Variants in ANKFY1 observed in about 807,000 individuals in gnomAD.
The protein encoded by ANKFY1 is ankyrin repeat and FYVE domain-containing protein 1.
Under a neutral mutation model 128.3 loss-of-function variants are expected in ANKFY1, and 47 were observed. The ratio of observed to expected loss-of-function variants is 0.37; its 90% CI spans 0.29 to 0.47. ANKFY1 has a LOEUF of 0.47. ANKFY1 is among the 20% of genes least tolerant of loss of function. The pLI, the probability that ANKFY1 is intolerant of heterozygous loss-of-function variation, is 1.00. For synonymous variants in ANKFY1, 553 were observed against 601.6 expected (o/e 0.92, Z 1.18); for missense variants, 1,222 against 1,510.6 (o/e 0.81, Z 3.17).
intron 22 of ANKFY1, among the ~76,000 whole-genome samples, chr17:4,171,147 C>T (rs866902164): frequency 1.3e-5 from 2 of 152,208 alleles, no homozygotes; most frequent in African/African-American, 2.4e-5. Flanking sequence ...GAGCTGAGGT[C>T]GCGCAGGTGG....
chr17:4,257,993 T>A (rs1359460550), intron 1 of ANKFY1, among the ~76,000 whole-genome samples: 1 of 152,226 alleles, frequency 6.6e-6, no homozygotes, highest in Non-Finnish European at 1.5e-5. Context: ...CCTGTGTATC[T>A]CAGCACAATT....
intron 1 of ANKFY1, among the ~76,000 whole-genome samples, chr17:4,242,739 T>C (rs368773266): frequency 6.6e-6 from 1 of 151,796 alleles, no homozygotes; most frequent in African/African-American, 2.4e-5. Context: ...AAATATTCAT[T>C]AAAAAGAAAA....
chr17:4,174,159 G>T, intron 19 of ANKFY1, 103 bp from the exon 20 acceptor site: 1 of 1,357,976 alleles, frequency 7.4e-7, no homozygotes, highest in Non-Finnish European at 1.0e-6. Flanking sequence ...AGAGGCTGAT[G>T]GCCTGCCCTG....
At chr17:4,198,700 ACACATAACTG>A (rs2059873252) in intron 7 of ANKFY1, among the ~76,000 whole-genome samples, 1 of 152,146 alleles carries the variant, frequency 6.6e-6, no homozygotes, top group Non-Finnish European at 1.5e-5. Context: ...CTCATTATAT[ACACATAACTG>A]ACTTAATAAG....
Position 4,201,353 on chromosome 17 carries a change from T to C in ANKFY1, c.899-3776A>G, listed in dbSNP as rs1015393597. ...AGGCCGATTGTCTCTTTTTCAACACTTCCCATCTGCTCTATGCTTTCTTCC... is the reference window on the plus strand; with the variant it reads ...AGGCCGATTGTCTCTTTTTCAACACCTCCCATCTGCTCTATGCTTTCTTCC... On this transcript the variant is annotated intron_variant, in intron 7 of 24. Transcript: ENST00000341657. 2.0e-5 allele frequency among the ~76,000 whole-genome samples: 3 copies of C among 152,218 alleles called. No individual in the cohort carries two copies. The East Asian group carries it at 5.8e-4, about 29-fold the overall frequency.
chr17:4,175,109 G>A (rs1035547866), intron 19 of ANKFY1, among the ~76,000 whole-genome samples: 5 of 150,954 alleles, frequency 3.3e-5, no homozygotes, highest in Admixed American at 2.0e-4. Flanking sequence ...GAGGCGGGCG[G>A]ATTGCTTCAG....
chr17:4,172,509 G>T, intron 22 of ANKFY1, 47 bp downstream of exon 22: 1 of 1,587,736 alleles, frequency 6.3e-7, no homozygotes. Flanking sequence ...TTTCCAGGAA[G>T]CAAGGTGCGC....
At chr17:4,201,208 T>C (rs1164861538) in intron 7 of ANKFY1, among the ~76,000 whole-genome samples, 2 of 152,184 alleles carry the variant, frequency 1.3e-5, no homozygotes, top group East Asian at 3.8e-4. Context: ...TTTGAAAATA[T>C]TTTTGTAGAG....
In ANKFY1 at chr17:4,256,415, G is replaced by A. The variant is rs112565463; in HGVS notation, c.10+7517C>T. On this transcript the variant is annotated intron_variant, in intron 1 of 24. Coordinates refer to ENST00000341657, the MANE Select transcript of ANKFY1 (RefSeq NM_001330063.2). Reference sequence around the variant, plus strand: ...TGCACTCCAGCCTGGGCAATAGAGCGAGACTCCATCTCAAAAAAAGAAAAA... The same window carrying A: ...TGCACTCCAGCCTGGGCAATAGAGCAAGACTCCATCTCAAAAAAAGAAAAA... 4.6e-3 allele frequency among the ~76,000 whole-genome samples: 700 copies of A among 152,192 alleles called. 4 individuals carry two copies. The highest frequency in any genetic ancestry group is 0.016 in the African/African-American group (658 of 41,530).
rs1371991279 is a variant in ANKFY1, at chr17:4,169,297, CAG to C, written c.3287-11_3287-10del. 2.1e-5 allele frequency: 32 copies of C among 1,543,526 alleles called. No individual in the cohort carries two copies. Among genetic ancestry groups the C allele is most frequent in the Middle Eastern group, 2.1e-4 (1 of 4,796 alleles). The stretch of plus-strand genomic sequence containing the variant: ...CTCCTTGGACAGCATATCTGCAACA[CAG>C]GGGGGAGGCCCGGTCCCGTCAAACC... On this transcript the variant is annotated splice_polypyrimidine_tract_variant and intron_variant, in intron 23 of 24. Transcript: ENST00000341657. The surrounding 1 kb of genome is among the most constrained non-coding windows in gnomAD (Gnocchi z 5.0).
rs200196038 is a variant in ANKFY1, at chr17:4,242,426, C to A, written c.33G>T (p.Lys11Asn). Residue 11 changes from lysine (K) to asparagine (N), a missense_variant, in exon 2 of 25, where the codon AAG becomes AAT. Lys to Asn is a moderately conservative substitution (Grantham distance 94, BLOSUM62 0). Transcript: ENST00000341657. ...ACTCCTGCCGCAGAAGCATCAAGTG[C>A]TTCTCCAACTTGGCCACCTCCTCTG... The part of the protein sequence containing the change: MAEEEVAKLE[K>N]HLMLLRQEYV... The A allele has an allele frequency of 1.6e-4, 254 of 1,559,908 alleles. No homozygotes were observed. Among genetic ancestry groups the A allele is most frequent in the Non-Finnish European group, 9.9e-5 (115 of 1,158,644 alleles).
chr17:4,179,623 G>C (rs149807380), intron 17 of ANKFY1, 98 bp downstream of exon 17: 2 of 1,462,364 alleles, frequency 1.4e-6, no homozygotes, highest in African/African-American at 1.4e-5. Flanking sequence ...AAGCAGCAGC[G>C]CCTGGAACTG....
At chr17:4,223,446 A>G in intron 3 of ANKFY1, 1 of 1,253,726 alleles carries the variant, frequency 8.0e-7, no homozygotes, top group Non-Finnish European at 1.2e-6. Flanking sequence ...ATCACTGATG[A>G]CACACTTCAA....
At chr17:4,224,838 G>A (rs1349439832) in intron 3 of ANKFY1, among the ~76,000 whole-genome samples, 3 of 151,946 alleles carry the variant, frequency 2.0e-5, no homozygotes, top group Non-Finnish European at 4.4e-5. Context: ...TCTGGAAAAG[G>A]AGACAATACA....
chr17:4,225,273 C>T (rs1404697445), intron 3 of ANKFY1, among the ~76,000 whole-genome samples: 2 of 152,070 alleles, frequency 1.3e-5, no homozygotes, highest in Admixed American at 6.6e-5. Context: ...AGGAGAATCT[C>T]TTGAAGCCGG....
intron 6 of ANKFY1, among the ~76,000 whole-genome samples, chr17:4,207,157 C>A (rs1181471666): frequency 2.6e-5 from 4 of 151,278 alleles, no homozygotes; most frequent in Non-Finnish European, 5.9e-5. Flanking sequence ...GGGCCCGACC[C>A]GTCTAACCAC....
intron 1 of ANKFY1, among the ~76,000 whole-genome samples, chr17:4,263,348 G>A (rs1164133380): frequency 4.6e-5 from 7 of 152,138 alleles, no homozygotes; most frequent in Non-Finnish European, 1.5e-5. Context: ...CTCCCTTCCC[G>A]CAAACCCCTT....
At chr17:4,250,333 GTCT>G (rs1361496222) in intron 1 of ANKFY1, among the ~76,000 whole-genome samples, 3 of 152,104 alleles carry the variant, frequency 2.0e-5, no homozygotes, top group African/African-American at 7.2e-5. Flanking sequence ...TCAAATCAAA[GTCT>G]TCTTCCTACT....
chr17:4,221,618 T>C (rs952421414), intron 3 of ANKFY1, among the ~76,000 whole-genome samples: 17 of 152,192 alleles, frequency 1.1e-4, no homozygotes, highest in African/African-American at 3.9e-4. Context: ...AGTTTCCAAC[T>C]GTTTTTTTCT....
Sources: allele counts gnomAD v4.1 joint callset (sites outside exome capture counted in the v4.1 genomes callset), GRCh38; gene constraint gnomAD v4.1.1; non-coding constraint Gnocchi (gnomAD v3.1); transcripts MANE v1.5; gene names NCBI Gene and HGNC (gene_info 2026-07-23, HGNC 2026-07-21).